ADARB1: variants seen among roughly 807,000 people sequenced by gnomAD.
The protein encoded by ADARB1 is double-stranded RNA-specific editase 1.
Under a neutral mutation model 52.4 loss-of-function variants are expected in ADARB1, and 10 were observed. The observed-to-expected ratio is 0.19, with a 90% CI of 0.12 to 0.32. The LOEUF is 0.32. ADARB1 is among the 10% of genes least tolerant of loss of function. The pLI is 1.00. For missense variants in ADARB1, 643 were observed against 922.3 expected (o/e 0.70, Z 3.92); for synonymous variants, 349 against 371.1 (o/e 0.94, Z 0.68).
At chr21:45,158,145 C>G (rs553112680) in intron 2 of ADARB1, among the ~76,000 whole-genome samples, 2 of 152,044 alleles carry the variant, frequency 1.3e-5, no homozygotes, top group African/African-American at 4.8e-5. Flanking sequence ...GGAGAGGAGG[C>G]GGAAGGGCCC....
At chr21:45,199,946 A>G (rs2092513883) in intron 8 of ADARB1, among the ~76,000 whole-genome samples, 1 of 152,346 alleles carries the variant, frequency 6.6e-6, no homozygotes, top group Middle Eastern at 3.4e-3. Context: ...TTTATTATAT[A>G]GTAATTAGAC....
intron 2 of ADARB1, among the ~76,000 whole-genome samples, chr21:45,150,715 A>T (rs2090241420): frequency 6.6e-6 from 1 of 152,030 alleles, no homozygotes; most frequent in Non-Finnish European, 1.5e-5. Context: ...CTTTCATGAG[A>T]TGCTGCTTTG....
rs988323905 is a variant in ADARB1 at position 45,225,972 on chromosome 21, C to T, written c.*3775C>T. ...CCTTCCGTGTGAGTTCTAGTGTTCA[C>T]TTGATGCCGGGGAATAGAATTAGAG... On this transcript the variant is annotated 3_prime_UTR_variant, in exon 11 of 11. Transcript: ENST00000348831. The T allele has an allele frequency of 1.6e-4, 27 of 169,240 alleles. No individual in the cohort carries two copies. The highest frequency in any genetic ancestry group is 3.8e-5 in the Non-Finnish European group (3 of 79,748). 10.5% of individuals were successfully genotyped at this position (169,240 alleles called of 1,614,324 possible).
rs562272467 is a variant in ADARB1 at position 45,176,208 on chromosome 21, G to A, written c.507G>A (p.Gln169=). 115 of 1,614,224 alleles carry A rather than the reference G, an allele frequency of 7.1e-5. No individual in the cohort carries two copies. In the South Asian group the frequency reaches 1.2e-3, roughly 17 times the overall value. The stretch of plus-strand genomic sequence containing the variant: ...TCAACACGGACTTCACATCTGACCA[G>A]GCCGACTTCCCTGACACGCTCTTCA... The part of the protein sequence containing the change: ...LSVNTDFTSD[Q]ADFPDTLFNG... Residue 169 remains glutamine (Q), a synonymous_variant, in exon 4 of 11, where the codon CAG becomes CAA. Transcript: ENST00000348831. This position sits in a 1 kb window ranked among gnomAD's most constrained non-coding sequence, Gnocchi z 5.8.
At chr21:45,147,852 T>C (rs1446896584) in intron 2 of ADARB1, among the ~76,000 whole-genome samples, 2 of 152,136 alleles carry the variant, frequency 1.3e-5, no homozygotes, top group Admixed American at 6.5e-5. Flanking sequence ...CCCAGCATCC[T>C]CTCAGCTTCT....
At chr21:45,112,837 T>A (rs1479210151) in intron 1 of ADARB1, among the ~76,000 whole-genome samples, 1 of 152,050 alleles carries the variant, frequency 6.6e-6, no homozygotes, top group Non-Finnish European at 1.5e-5. Flanking sequence ...CAGGTCATGA[T>A]CCCCAGAGTT....
At chr21:45,139,933 CTTTTTTTTTTTT>C (rs200847132) in intron 2 of ADARB1, among the ~76,000 whole-genome samples, 15 of 84,938 alleles carry the variant, frequency 1.8e-4, no homozygotes, top group African/African-American at 4.6e-4. Context: ...CAATAAAACT[CTTTTTTTTTTTT>C]TTTTTTTTTT....
In ADARB1 at chr21:45,183,530, A is replaced by G; in HGVS notation, c.1396+20A>G. The G allele has an allele frequency of 6.2e-7, 1 of 1,609,430 alleles. No individual in the cohort carries two copies. Among genetic ancestry groups the G allele is most frequent in the Non-Finnish European group, 8.5e-7 (1 of 1,178,830 alleles). On this transcript the variant is annotated intron_variant, in intron 7 of 10. Transcript: ENST00000348831. ...TGGAAGGTATGAGACGAGATTCTTC[A>G]ACAAGCCAGTTTCTCAAGAAAATGT...
chr21:45,081,727 C>A (rs1413278819), intron 1 of ADARB1, among the ~76,000 whole-genome samples: 1 of 152,156 alleles, frequency 6.6e-6, no homozygotes, highest in African/African-American at 2.4e-5. Flanking sequence ...GAAGGCCTCT[C>A]TGAGTGCGAT....
chr21:45,141,580 T>A (rs894118627), intron 2 of ADARB1, among the ~76,000 whole-genome samples: 1 of 152,126 alleles, frequency 6.6e-6, no homozygotes, highest in Non-Finnish European at 1.5e-5. Context: ...TAGGTTTGAG[T>A]TGTCCTCTGC....
At chr21:45,129,956 T>G (rs146471321) in intron 2 of ADARB1, among the ~76,000 whole-genome samples, 13 of 152,172 alleles carry the variant, frequency 8.5e-5, no homozygotes, top group East Asian at 7.7e-4. Context: ...ATGCTTTTTT[T>G]GGGGGGGTAC....
chr21:45,148,422 G>C (rs910662449), intron 2 of ADARB1, among the ~76,000 whole-genome samples: 1 of 152,234 alleles, frequency 6.6e-6, no homozygotes, highest in Admixed American at 6.5e-5. Flanking sequence ...AGGCAGCAGA[G>C]GCTCCCACCT....
intron 1 of ADARB1, among the ~76,000 whole-genome samples, chr21:45,094,989 T>G (rs1569001592): frequency 6.6e-6 from 1 of 152,182 alleles, no homozygotes; most frequent in Non-Finnish European, 1.5e-5. Flanking sequence ...TATCACGACT[T>G]CCTTGACATT....
At chr21:45,088,029 T>C (rs2086414012) in intron 1 of ADARB1, among the ~76,000 whole-genome samples, 1 of 152,194 alleles carries the variant, frequency 6.6e-6, no homozygotes, top group Admixed American at 6.5e-5. Flanking sequence ...AAGTTACAAA[T>C]AGCAAAAGGA....
intron 5 of ADARB1, 96 bp downstream of exon 5, chr21:45,180,540 G>A (rs1255669727): frequency 9.2e-6 from 9 of 978,162 alleles, no homozygotes; most frequent in East Asian, 2.6e-5. Flanking sequence ...CCACACCGAC[G>A]GGAGATGGTT....
intron 8 of ADARB1, among the ~76,000 whole-genome samples, chr21:45,203,042 T>A (rs2092592738): frequency 6.6e-6 from 1 of 152,242 alleles, no homozygotes; most frequent in South Asian, 2.1e-4. Context: ...CTGCAGCGCG[T>A]GCCACACTGC....
chr21:45,114,486 G>C (rs767715762), intron 1 of ADARB1, among the ~76,000 whole-genome samples: 76 of 152,320 alleles, frequency 5.0e-4, no homozygotes, highest in Non-Finnish European at 1.0e-3. Context: ...TCAGGGGAGG[G>C]CTTTGCTTTT....
chr21:45,175,196 CTAAT>C (rs1165885946), intron 3 of ADARB1, among the ~76,000 whole-genome samples: 1 of 152,098 alleles, frequency 6.6e-6, no homozygotes, highest in African/African-American at 2.4e-5. Flanking sequence ...ACCTGAAAAA[CTAAT>C]TATCTTGTGA....
At chr21:45,156,474 A>C (rs2145993898) in intron 2 of ADARB1, among the ~76,000 whole-genome samples, 1 of 106,106 alleles carries the variant, frequency 9.4e-6, no homozygotes, top group Non-Finnish European at 1.9e-5. Flanking sequence ...ATCACCCATC[A>C]TCCATCATCC....
Sources: gnomAD v4.1 joint callset for allele counts (sites outside exome capture counted in the v4.1 genomes callset) on GRCh38, gnomAD v4.1.1 for gene constraint, Gnocchi (gnomAD v3.1) non-coding constraint, MANE v1.5 for transcripts, NCBI Gene and HGNC (gene_info 2026-07-23, HGNC 2026-07-21) for gene names.